NOL4: variants seen among roughly 807,000 people sequenced by gnomAD.
NOL4 encodes the protein cancer/testis antigen 125.
Under a neutral mutation model 75.9 loss-of-function variants are expected in NOL4, and 17 were observed. The observed-to-expected ratio is 0.22, with a 90% CI of 0.15 to 0.34. The LOEUF (loss-of-function observed/expected upper bound fraction) is 0.34, where lower values mean the gene tolerates loss of function less well. NOL4 is among the 10% of genes least tolerant of loss of function. The pLI is 1.00. For missense variants in NOL4, 614 were observed against 793.5 expected (o/e 0.77, Z 2.72); for synonymous variants, 292 against 289.9 (o/e 1.01, Z -0.07).
intron 9 of NOL4, among the ~76,000 whole-genome samples, chr18:33,898,732 CTTAAG>C (rs893537566): frequency 1.2e-4 from 18 of 152,170 alleles, no homozygotes; most frequent in African/African-American, 4.1e-4. Flanking sequence ...TTCACATCTT[CTTAAG>C]TTAATTTTTA....
chr18:34,075,721 C>T (rs981593141), intron 5 of NOL4, among the ~76,000 whole-genome samples: 2 of 152,192 alleles, frequency 1.3e-5, no homozygotes, highest in Non-Finnish European at 2.9e-5. Flanking sequence ...AACACATTCT[C>T]TTATGTTCCT....
intron 1 of NOL4, among the ~76,000 whole-genome samples, chr18:34,199,145 G>GTTTT (rs11323634): frequency 3.0e-5 from 4 of 131,278 alleles, no homozygotes; most frequent in African/African-American, 1.1e-4. Context: ...GGACAGAGAA[G>GTTTT]TTTTTTTTTT....
chr18:34,059,333 C>T (rs938879295), intron 5 of NOL4, among the ~76,000 whole-genome samples: 6 of 151,888 alleles, frequency 4.0e-5, no homozygotes, highest in Non-Finnish European at 5.9e-5. Context: ...TATTAAATAA[C>T]TGGAAGTTCT....
intron 4 of NOL4, among the ~76,000 whole-genome samples, chr18:34,095,157 T>C (rs934706834): frequency 1.3e-5 from 2 of 152,092 alleles, no homozygotes; most frequent in African/African-American, 4.8e-5. Flanking sequence ...TGCCACTGTG[T>C]CAGATCCATG....
chr18:33,857,280 A>G (rs548465151), intron 10 of NOL4, among the ~76,000 whole-genome samples: 17 of 152,156 alleles, frequency 1.1e-4, no homozygotes, highest in African/African-American at 4.1e-4. Context: ...GTATGTGCTC[A>G]GAAAATATAT....
At chr18:34,077,572 A>T (rs2077806606) in intron 5 of NOL4, among the ~76,000 whole-genome samples, 1 of 152,142 alleles carries the variant, frequency 6.6e-6, no homozygotes. Flanking sequence ...TATAAGTCAT[A>T]ATATAGTATT....
chr18:34,049,268 A>G (rs1441439977), intron 5 of NOL4, among the ~76,000 whole-genome samples: 1 of 151,960 alleles, frequency 6.6e-6, no homozygotes, highest in East Asian at 1.9e-4. Flanking sequence ...TCATTTAGAA[A>G]AATAATTATA....
intron 6 of NOL4, among the ~76,000 whole-genome samples, chr18:33,977,916 G>A (rs542417446): frequency 1.2e-3 from 178 of 152,220 alleles, no homozygotes; most frequent in African/African-American, 4.2e-3. Context: ...TTCCCACTGT[G>A]GAAGTCTAGG....
At chr18:34,064,214 A>G (rs755339196) in intron 5 of NOL4, among the ~76,000 whole-genome samples, 1 of 152,062 alleles carries the variant, frequency 6.6e-6, no homozygotes, top group Non-Finnish European at 1.5e-5. Context: ...AGCAGGGACC[A>G]CAGGACTAAA....
At chr18:34,219,281 A>T (rs933046781) in intron 1 of NOL4, among the ~76,000 whole-genome samples, 10 of 152,240 alleles carry the variant, frequency 6.6e-5, no homozygotes, top group African/African-American at 2.4e-4. Flanking sequence ...AAAGTATTAC[A>T]TCTTTTGATT....
intron 8 of NOL4, among the ~76,000 whole-genome samples, chr18:33,954,638 A>G (rs986038421): frequency 6.6e-6 from 1 of 152,086 alleles, no homozygotes; most frequent in East Asian, 1.9e-4. Context: ...TGCTCTGAAG[A>G]AGGTAGAATT....
At chr18:34,164,902 T>C (rs1033060977) in intron 1 of NOL4, among the ~76,000 whole-genome samples, 14 of 152,050 alleles carry the variant, frequency 9.2e-5, no homozygotes, top group Admixed American at 8.5e-4. Flanking sequence ...CATGGAATAC[T>C]ATGCAGCCAT....
chr18:33,951,177 T>A (rs921143547), intron 8 of NOL4, among the ~76,000 whole-genome samples: 15 of 152,150 alleles, frequency 9.9e-5, no homozygotes, highest in African/African-American at 3.6e-4. Context: ...CTTCTTAGAT[T>A]ATAGAAGCAT....
At chr18:34,131,736 T>A (rs1426935576) in intron 1 of NOL4, among the ~76,000 whole-genome samples, 1 of 152,200 alleles carries the variant, frequency 6.6e-6, no homozygotes, top group Non-Finnish European at 1.5e-5. Context: ...CTGTGAGTGA[T>A]GTGGGGATCA....
intron 5 of NOL4, among the ~76,000 whole-genome samples, chr18:34,056,504 C>T (rs2076839456): frequency 6.6e-6 from 1 of 152,124 alleles, no homozygotes; most frequent in Admixed American, 6.6e-5. Flanking sequence ...CATGCCAAAC[C>T]GCTTGCCTCT....
intron 8 of NOL4, among the ~76,000 whole-genome samples, 170 bp downstream of exon 8, chr18:33,957,156 A>C (rs1159747401): frequency 6.6e-6 from 1 of 152,148 alleles, no homozygotes; most frequent in Admixed American, 6.6e-5. Flanking sequence ...TAAATACTTC[A>C]GGAAGATGAA....
intron 8 of NOL4, among the ~76,000 whole-genome samples, chr18:33,954,745 A>C (rs997357953): frequency 6.6e-6 from 1 of 152,076 alleles, no homozygotes; most frequent in Non-Finnish European, 1.5e-5. Flanking sequence ...GAACATTTAG[A>C]AAACTTTGAA....
At chr18:33,970,144 T>C (rs574022208) in intron 6 of NOL4, among the ~76,000 whole-genome samples, 15 of 152,316 alleles carry the variant, frequency 9.8e-5, no homozygotes, top group African/African-American at 3.4e-4. Flanking sequence ...GTGTTTTTGT[T>C]TGATTTACAT....
At chr18:34,013,602 A>G (rs2074505549) in intron 6 of NOL4, among the ~76,000 whole-genome samples, 1 of 151,932 alleles carries the variant, frequency 6.6e-6, no homozygotes, top group Non-Finnish European at 1.5e-5. Flanking sequence ...TGCTCTGTTC[A>G]TCAATGTTCC....
Sources: gnomAD v4.1 joint callset for allele counts (sites outside exome capture counted in the v4.1 genomes callset) on GRCh38, gnomAD v4.1.1 for gene constraint, MANE v1.5 for transcripts, NCBI Gene and HGNC (gene_info 2026-07-23, HGNC 2026-07-21) for gene names.